The following PSD3 variants were observed in gnomAD, a reference collection of about 807,000 sequenced individuals.
PSD3 encodes PH and SEC7 domain-containing protein 3.
PSD3 carries 49 observed loss-of-function variants against 105.5 expected under a neutral mutation model. The ratio of observed to expected loss-of-function variants is 0.46; its 90% CI spans 0.37 to 0.59. PSD3 has a LOEUF of 0.59. Ranked by LOEUF, PSD3 falls within the 20% of genes least tolerant of loss-of-function variation. The probability of loss-of-function intolerance (pLI) is 0.00; values close to 1 mark genes in which losing one functional copy is unlikely to be tolerated. For missense variants in PSD3, 1,561 were observed against 1,263.8 expected, an observed-to-expected ratio of 1.24 and a Z score of -3.57; for synonymous variants, 557 against 457.8, an observed-to-expected ratio of 1.22 and a Z score of -2.77.
At chr8:19,028,292 G>A (rs916587920) in intron 1 of PSD3, among the ~76,000 whole-genome samples, 1 of 29,468 alleles carries the variant, frequency 3.4e-5, no homozygotes, top group Non-Finnish European at 6.0e-5. Context: ...CCCCCCCCCG[G>A]CCCACCCTTT....
intron 11 of PSD3, among the ~76,000 whole-genome samples, chr8:18,627,832 A>T (rs533559321): frequency 6.6e-6 from 1 of 152,030 alleles, no homozygotes; most frequent in African/African-American, 2.4e-5. Flanking sequence ...ACTATGACTA[A>T]AGCCAGCAGA....
chr8:18,881,121 G>A (rs1818074413), intron 2 of PSD3, among the ~76,000 whole-genome samples: 1 of 152,116 alleles, frequency 6.6e-6, no homozygotes, highest in African/African-American at 2.4e-5. Flanking sequence ...AACAAATCGT[G>A]TTTCCTGTTG....
At chr8:18,733,812 G>A (rs548696797) in intron 9 of PSD3, 1 of 152,736 alleles carries the variant, frequency 6.5e-6, no homozygotes, top group Admixed American at 6.5e-5. Context: ...CAATGTAGTA[G>A]AAAGGCTTTG....
At chr8:19,073,016 G>C (rs1321849998) in intron 1 of PSD3, among the ~76,000 whole-genome samples, 1 of 152,120 alleles carries the variant, frequency 6.6e-6, no homozygotes. Context: ...AGGATTTGGG[G>C]CTAGATTTTA....
At chr8:18,752,415 T>C (rs1238621217) in intron 9 of PSD3, among the ~76,000 whole-genome samples, 1 of 137,690 alleles carries the variant, frequency 7.3e-6, no homozygotes, top group African/African-American at 2.8e-5. Flanking sequence ...CAAATGCAAG[T>C]GATAAGCAAT....
chr8:18,581,180 G>C (rs987099896), intron 12 of PSD3, among the ~76,000 whole-genome samples: 2 of 152,102 alleles, frequency 1.3e-5, no homozygotes, highest in Non-Finnish European at 2.9e-5. Flanking sequence ...TGGATCATCA[G>C]AACCAACAGG....
intron 1 of PSD3, among the ~76,000 whole-genome samples, chr8:19,033,897 G>T (rs1233078134): frequency 1.3e-5 from 2 of 152,076 alleles, no homozygotes; most frequent in African/African-American, 4.8e-5. Flanking sequence ...GAGAAGGAAG[G>T]TCATGTTATT....
chr8:18,949,149 G>C (rs889528459), intron 1 of PSD3, among the ~76,000 whole-genome samples: 7 of 141,050 alleles, frequency 5.0e-5, no homozygotes, highest in African/African-American at 1.8e-4. Context: ...GTGAACCCAG[G>C]AGACAGAGCT....
At chr8:18,575,759 C>T (rs778736016) in intron 12 of PSD3, among the ~76,000 whole-genome samples, 4 of 152,050 alleles carry the variant, frequency 2.6e-5, no homozygotes, top group Non-Finnish European at 2.9e-5. Flanking sequence ...TTACATGTTC[C>T]TGTTACTTTC....
At chr8:18,868,170 CTT>C in intron 3 of PSD3, 101 bp from the exon 4 acceptor site, 2 of 1,261,536 alleles carry the variant, frequency 1.6e-6, no homozygotes, top group African/African-American at 3.0e-5. Flanking sequence ...AGATCTAACT[CTT>C]CTATTCATTG....
At chr8:18,798,397 T>C (rs1810377769) in intron 8 of PSD3, among the ~76,000 whole-genome samples, 1 of 152,102 alleles carries the variant, frequency 6.6e-6, no homozygotes, top group South Asian at 2.1e-4. Flanking sequence ...TGGAACCCTT[T>C]CTCCCTGAAC....
In PSD3 at chr8:18,959,704, G is replaced by C. The variant is rs113489375; in HGVS notation, c.22-23562C>G. 1.7e-3 allele frequency among the ~76,000 whole-genome samples: 262 copies of C among 152,244 alleles called. 1 individual carries two copies. Among genetic ancestry groups the C allele is most frequent in the African/African-American group, 6.0e-3 (249 of 41,546 alleles). ...GACTAGGGAAAATGGCTAAAGATCA[G>C]TGACAAGAATTAGCCAGACCTCCCC... On this transcript the variant is annotated intron_variant, in intron 1 of 15. Coordinates refer to ENST00000327040, the MANE Select transcript of PSD3 (RefSeq NM_015310.4).
chr8:18,890,863 G>C (rs1818742201), intron 2 of PSD3, among the ~76,000 whole-genome samples: 2 of 152,130 alleles, frequency 1.3e-5, no homozygotes, highest in African/African-American at 4.8e-5. Context: ...GTGGCAGAAA[G>C]TCACAATGAA....
At chr8:18,602,670 G>A (rs1804522678) in intron 11 of PSD3, among the ~76,000 whole-genome samples, 1 of 151,888 alleles carries the variant, frequency 6.6e-6, no homozygotes, top group South Asian at 2.1e-4. Flanking sequence ...TCCATCTTAC[G>A]TGAGACAGAT....
intron 6 of PSD3, chr8:18,802,272 A>T (rs928642949): frequency 9.5e-6 from 3 of 314,596 alleles, no homozygotes; most frequent in Non-Finnish European, 2.0e-5. Context: ...ACCACACATT[A>T]ATCTACTCGG....
At chr8:18,861,223 A>G (rs1816412630) in intron 4 of PSD3, among the ~76,000 whole-genome samples, 1 of 152,256 alleles carries the variant, frequency 6.6e-6, no homozygotes, top group East Asian at 1.9e-4. Flanking sequence ...CAATCGACCC[A>G]CTGCTGGAGA....
At chr8:18,873,547 A>G (rs1206446713) in intron 2 of PSD3, among the ~76,000 whole-genome samples, 2 of 152,190 alleles carry the variant, frequency 1.3e-5, no homozygotes, top group African/African-American at 4.8e-5. Flanking sequence ...ACAACATACC[A>G]GTACTGTACC....
intron 9 of PSD3, among the ~76,000 whole-genome samples, chr8:18,705,323 T>A (rs1801823242): frequency 6.6e-6 from 1 of 152,014 alleles, no homozygotes; most frequent in Non-Finnish European, 1.5e-5. Flanking sequence ...AGCTCAGTAG[T>A]TCGAGATCAG....
chr8:18,771,604 T>TC (rs1807535976), intron 8 of PSD3, among the ~76,000 whole-genome samples: 2 of 152,304 alleles, frequency 1.3e-5, no homozygotes, highest in South Asian at 4.1e-4. Flanking sequence ...AGACTACTTT[T>TC]CCCCCACCAA....
Sources: gnomAD v4.1 joint callset for allele counts (sites outside exome capture counted in the v4.1 genomes callset) on GRCh38, gnomAD v4.1.1 for gene constraint, MANE v1.5 for transcripts, NCBI Gene and HGNC (gene_info 2026-07-23, HGNC 2026-07-21) for gene names.